DCPS: variants seen among roughly 807,000 people sequenced by gnomAD.
DCPS encodes the protein decapping enzyme, scavenger.
Under a neutral mutation model 34.7 loss-of-function variants are expected in DCPS, and 27 were observed. The ratio of observed to expected loss-of-function variants is 0.78; its 90% confidence interval spans 0.57 to 1.07. The LOEUF (loss-of-function observed/expected upper bound fraction) is 1.07, where lower values mean the gene tolerates loss of function less well. Ranked by LOEUF, DCPS falls within the 50% of genes least tolerant of loss-of-function variation. The pLI is 0.00. For synonymous variants in DCPS, 185 were observed against 185.7 expected (o/e 1.00, Z 0.03); for missense variants, 464 against 436.9 (o/e 1.06, Z -0.55).
chr11:126,339,144 T>C (rs1048712642), intron 4 of DCPS, among the ~76,000 whole-genome samples: 1 of 152,144 alleles, frequency 6.6e-6, no homozygotes. Flanking sequence ...GTGCTGTTCT[T>C]AACACAGACT....
Position 126,306,644 on chromosome 11 carries a change from A to T in DCPS, c.276A>T (p.Glu92Asp). 1 of 1,613,960 alleles carries T rather than the reference A, an allele frequency of 6.2e-7. No homozygotes were observed. Among genetic ancestry groups the T allele is most frequent in the East Asian group, 2.2e-5 (1 of 44,864 alleles). ...VILEKTPFQV[E>D]QVAQLLTGSP... is the part of the protein sequence containing the mutation. ...TGGAGAAGACGCCATTTCAGGTGGA[A>T]CAGGTGGCTCAGCTCCTGACGGGCA... Residue 92 changes from glutamate (E) to aspartate (D), a missense_variant, in exon 2 of 6, where the codon GAA (glutamate) becomes GAT (aspartate). Transcript: ENST00000263579.
rs201550193 is a variant in DCPS, at chr11:126,331,414, C to G, written c.386C>G (p.Thr129Arg). ...TGCTGTATCATTGCAGATGTAAAGA[C>G]GACCGTGGTTTACCCTGCCACAGAG... ...FPPRQLNDVK[T>R]TVVYPATEKH... Residue 129 changes from threonine (T) to arginine (R), a missense_variant, in exon 3 of 6, where the codon ACG (threonine) becomes AGG (arginine). By Grantham distance (71) the Thr-to-Arg change is moderately conservative. Transcript: ENST00000263579. This position sits in a 1 kb window ranked among gnomAD's most constrained non-coding sequence, Gnocchi z 7.2. 1.9e-6 allele frequency: 3 copies of G among 1,614,060 alleles called. No homozygotes were observed. Among genetic ancestry groups the G allele is most frequent in the Non-Finnish European group, 2.5e-6 (3 of 1,179,954 alleles).
chr11:126,349,919 T>C lies in DCPS; in HGVS notation c.*4306T>C, dbSNP rs547923997. On this transcript the variant is annotated 3_prime_UTR_variant, in exon 6 of 6. Transcript: ENST00000263579. The surrounding 1 kb of genome is among the most constrained non-coding windows in gnomAD (Gnocchi z 5.4). The stretch of plus-strand genomic sequence containing the variant: ...CTTGAAGTTACCAAGTTTTAACCAC[T>C]GTTAGAAAATAAGCAGGAATGAAAT... 1.4e-4 allele frequency among the ~76,000 whole-genome samples: 21 copies of C among 152,358 alleles called. No individual in the cohort carries two copies. In the South Asian group the frequency reaches 4.1e-3, roughly 30 times the overall value.
intron 2 of DCPS, among the ~76,000 whole-genome samples, chr11:126,309,028 T>C (rs1369762071): frequency 2.3e-4 from 35 of 149,386 alleles, no homozygotes; most frequent in Non-Finnish European, 2.5e-4. Flanking sequence ...CTGCCCCTTT[T>C]TTTTTTTTTT....
intron 2 of DCPS, among the ~76,000 whole-genome samples, chr11:126,311,238 T>C (rs1951616678): frequency 6.6e-6 from 1 of 152,230 alleles, no homozygotes; most frequent in African/African-American, 2.4e-5. Context: ...ACATGCTGTT[T>C]CTGAGTTTTA....
chr11:126,343,067 CAAAAAAAAAAAA>C, intron 4 of DCPS, among the ~76,000 whole-genome samples: 2 of 102,234 alleles, frequency 2.0e-5, no homozygotes, highest in Admixed American at 1.9e-4. Context: ...GAGACTCTGT[CAAAAAAAAAAAA>C]AAAAAAAAGG....
At chr11:126,339,925 G>T (rs1236392590) in intron 4 of DCPS, among the ~76,000 whole-genome samples, 1 of 152,326 alleles carries the variant, frequency 6.6e-6, no homozygotes, top group East Asian at 1.9e-4. Flanking sequence ...GAGAATCCCA[G>T]CAGGGCCATA....
chr11:126,330,759 A>G (rs12576273), intron 2 of DCPS, among the ~76,000 whole-genome samples: 26,965 of 87,748 alleles, frequency 0.31, 3,338 homozygotes, highest in Admixed American at 0.33. Context: ...TTTTTGAGAT[A>G]GAGTTTCACT....
rs993701717 is a variant in DCPS, at chr11:126,329,892, G to C, written c.377-1513G>C. On this transcript the variant is annotated intron_variant, in intron 2 of 5. Coordinates refer to ENST00000263579, the MANE Select transcript of DCPS (RefSeq NM_014026.6). This position sits in a 1 kb window ranked among gnomAD's most constrained non-coding sequence, Gnocchi z 5.0. ...TGCCCGCTGGGTTTTCAGCTCTCTC[G>C]GGTTTCCCTGGGAGAGCCTATCCGA... Among the ~76,000 whole-genome samples, 31 of 152,082 alleles carry C rather than the reference G, an allele frequency of 2.0e-4. No homozygotes were observed. The highest frequency in any genetic ancestry group is 2.0e-3 in the Admixed American group (31 of 15,258).
chr11:126,305,547 A>C (rs934656336), intron 1 of DCPS, among the ~76,000 whole-genome samples: 2 of 147,864 alleles, frequency 1.4e-5, no homozygotes, highest in South Asian at 4.3e-4. Context: ...CAGCCTCCCA[A>C]GTAGCTGGGA....
In DCPS at chr11:126,323,487, C is replaced by T. The variant is rs1441113519; in HGVS notation, c.377-7918C>T. On this transcript the variant is annotated intron_variant, in intron 2 of 5. Transcript: ENST00000263579. The surrounding 1 kb of genome is among the most constrained non-coding windows in gnomAD (Gnocchi z 4.4). ...CACATGATGCAGAAAGTTCTTTGAA[C>T]AAGTAAGGCATTCAAACAATTCTAA... 6.6e-6 allele frequency among the ~76,000 whole-genome samples: 1 copy of T among 151,718 alleles called. No individual in the cohort carries two copies. The highest frequency in any genetic ancestry group is 2.4e-5 in the African/African-American group (1 of 41,344).
rs527843889 is a variant in DCPS, at chr11:126,343,190, C to T, written c.637-117C>T. 2.1e-4 allele frequency: 162 copies of T among 762,198 alleles called. 2 individuals carry two copies. In the Admixed American group the frequency reaches 3.3e-3, roughly 15 times the overall value. 47.2% of individuals were successfully genotyped at this position (762,198 alleles called of 1,614,324 possible). On this transcript the variant is annotated intron_variant, in intron 4 of 5. Transcript: ENST00000263579. ...TATGCAGATGCCCTGCGGGGTTTCT[C>T]CTGGTGCTGTAGGCCTCAGGGGTGG...
chr11:126,338,285 G>T lies in DCPS; in HGVS notation c.523-1G>T. On this transcript the variant is annotated splice_acceptor_variant, in intron 3 of 5. Transcript: ENST00000263579. LOFTEE classifies it high-confidence loss of function. This position sits in a 1 kb window ranked among gnomAD's most constrained non-coding sequence, Gnocchi z 5.4. ...AACCATCTCTCTCCCCCTCCTTTCA[G>T]TGGGTGTATAACATTCTCGACAAGA... 1 of 1,614,060 alleles carries T rather than the reference G, an allele frequency of 6.2e-7. No individual in the cohort carries two copies. Among genetic ancestry groups the T allele is most frequent in the Non-Finnish European group, 8.5e-7 (1 of 1,179,938 alleles).
intron 4 of DCPS, 75 bp from the exon 5 acceptor site, chr11:126,343,232 G>A (rs1240609748): frequency 2.4e-6 from 3 of 1,275,888 alleles, no homozygotes; most frequent in South Asian, 1.3e-5. Context: ...CCTGGCTTAC[G>A]TGAGAACTCC....
At position 126,331,914 on chromosome 11, in the gene DCPS, C is replaced by T. The variant is rs1951796903; in HGVS notation, c.522+364C>T. Among the ~76,000 whole-genome samples, 3 of 152,264 alleles carry T rather than the reference C, an allele frequency of 2.0e-5. No individual in the cohort carries two copies. In the South Asian group the frequency reaches 6.2e-4, roughly 32 times the overall value. Reference sequence around the variant, plus strand: ...GGAACTGATGCTGGTCTTGGTCCCACCTGATGTGCTTGGGCATGCCATGGA... The same window carrying T: ...GGAACTGATGCTGGTCTTGGTCCCATCTGATGTGCTTGGGCATGCCATGGA... On this transcript the variant is annotated intron_variant, in intron 3 of 5. Transcript: ENST00000263579. This position sits in a 1 kb window ranked among gnomAD's most constrained non-coding sequence, Gnocchi z 7.2.
In DCPS at chr11:126,315,248, G is replaced by T. The variant is rs768659162; in HGVS notation, c.376+8504G>T. Among the ~76,000 whole-genome samples the T allele has an allele frequency of 2.6e-5, 4 of 151,766 alleles. No homozygotes were observed. The highest frequency in any genetic ancestry group is 4.8e-5 in the African/African-American group (2 of 41,250). On this transcript the variant is annotated intron_variant, in intron 2 of 5. Transcript: ENST00000263579. This position sits in a 1 kb window ranked among gnomAD's most constrained non-coding sequence, Gnocchi z 6.1. Reference sequence around the variant, plus strand: ...ACATGTACCCTTTAACCTAAAATAAGAATTAAAAAAAATAAAAAGAATATT... The same window carrying T: ...ACATGTACCCTTTAACCTAAAATAATAATTAAAAAAAATAAAAAGAATATT...
At position 126,336,367 on chromosome 11, in the gene DCPS, G is replaced by A. The variant is rs2135331419; in HGVS notation, c.523-1919G>A. 6.6e-6 allele frequency: 1 copy of A among 152,408 alleles called. No homozygotes were observed. Among genetic ancestry groups the A allele is most frequent in the East Asian group, 1.9e-4 (1 of 5,188 alleles). The allele number at this position is 152,408 out of a possible 1,614,324, so 9.4% of individuals were successfully genotyped here. ...CCATCCCACCACCTTTGCCACTCGTGGGGGTCTCCCTTATACTGGCTGTGC... is the reference window on the plus strand; with the variant it reads ...CCATCCCACCACCTTTGCCACTCGTAGGGGTCTCCCTTATACTGGCTGTGC... On this transcript the variant is annotated intron_variant, in intron 3 of 5. Coordinates refer to ENST00000263579, the MANE Select transcript of DCPS (RefSeq NM_014026.6). This position sits in a 1 kb window ranked among gnomAD's most constrained non-coding sequence, Gnocchi z 6.3.
chr11:126,341,138 C>G (rs1314044706), intron 4 of DCPS: 1 of 152,192 alleles, frequency 6.6e-6, no homozygotes, highest in African/African-American at 2.4e-5. Flanking sequence ...ATTCTTTGGT[C>G]TAAAGTTCTC....
rs1951845411 is a variant in DCPS, at chr11:126,337,964, A to G, written c.523-322A>G. On this transcript the variant is annotated intron_variant, in intron 3 of 5. Transcript: ENST00000263579. This position sits in a 1 kb window ranked among gnomAD's most constrained non-coding sequence, Gnocchi z 5.3. Reference sequence around the variant, plus strand: ...GGGGTCACTGCTATAGAGGGCAGACACAGCCTGGGTTTGGAGGCCTCCGCA... The same window carrying G: ...GGGGTCACTGCTATAGAGGGCAGACGCAGCCTGGGTTTGGAGGCCTCCGCA... 1 of 330,050 alleles carries G rather than the reference A, an allele frequency of 3.0e-6. No homozygotes were observed. Among genetic ancestry groups the G allele is most frequent in the African/African-American group, 2.1e-5 (1 of 47,794 alleles). The allele number at this position is 330,050 out of a possible 1,614,324, so 20.4% of individuals were successfully genotyped here.
Sources: allele counts gnomAD v4.1 joint callset (sites outside exome capture counted in the v4.1 genomes callset), GRCh38; gene constraint gnomAD v4.1.1; non-coding constraint Gnocchi (gnomAD v3.1); transcripts MANE v1.5; gene names NCBI Gene and HGNC (gene_info 2026-07-23, HGNC 2026-07-21).